TRPM6: variants seen among roughly 807,000 people sequenced by gnomAD.
TRPM6 encodes transient receptor potential cation channel subfamily M member 6.
In TRPM6, 111 loss-of-function variants were observed where a neutral mutation model predicts 247.6. The observed-to-expected ratio is 0.45, with a 90% CI of 0.38 to 0.52. TRPM6 has a LOEUF of 0.52. Ranked by LOEUF, TRPM6 falls within the 20% of genes least tolerant of loss-of-function variation. TRPM6 has a pLI of 0.00. For missense variants in TRPM6, 2,126 were observed against 2,421.5 expected (o/e 0.88, Z 2.56); for synonymous variants, 892 against 853.8 (o/e 1.04, Z -0.78).
intron 19 of TRPM6, 145 bp downstream of exon 19, chr9:74,792,479 T>C: frequency 1.2e-6 from 1 of 853,240 alleles, no homozygotes; most frequent in East Asian, 2.6e-5. Flanking sequence ...CAGTCCTCTT[T>C]GCTACCTACT....
chr9:74,785,258 C>T (rs574268092), intron 21 of TRPM6, among the ~76,000 whole-genome samples: 1 of 152,286 alleles, frequency 6.6e-6, no homozygotes, highest in East Asian at 1.9e-4. Flanking sequence ...TTGAGCCCAA[C>T]AGTTCAAATC....
intron 6 of TRPM6, 146 bp downstream of exon 6, chr9:74,833,852 G>A: frequency 1.9e-6 from 2 of 1,053,742 alleles, no homozygotes; most frequent in Non-Finnish European, 2.8e-6. Flanking sequence ...TCTAAGACAG[G>A]GTGAGGGAAG....
chr9:74,749,994 G>A (rs1473817715), intron 30 of TRPM6, among the ~76,000 whole-genome samples: 2 of 152,148 alleles, frequency 1.3e-5, no homozygotes, highest in African/African-American at 2.4e-5. Flanking sequence ...ATGCAACTAG[G>A]AAAGTCCAGA....
chr9:74,748,410 G>A (rs944772534), intron 30 of TRPM6, among the ~76,000 whole-genome samples: 2 of 152,160 alleles, frequency 1.3e-5, no homozygotes, highest in African/African-American at 4.8e-5. Flanking sequence ...GCCTCTGGCA[G>A]GTCATTCAGG....
intron 9 of TRPM6, among the ~76,000 whole-genome samples, chr9:74,817,791 T>C (rs889137992): frequency 3.3e-5 from 5 of 152,114 alleles, no homozygotes; most frequent in African/African-American, 1.2e-4. Context: ...CTTTTTAAAT[T>C]AAAATACATT....
chr9:74,745,770 G>A (rs73650057), intron 31 of TRPM6, among the ~76,000 whole-genome samples: 551 of 152,280 alleles, frequency 3.6e-3, no homozygotes, highest in African/African-American at 0.013. Flanking sequence ...ACAGAGTATT[G>A]TAGACTCTGT....
At chr9:74,838,936 C>T (rs1380843482) in intron 5 of TRPM6, among the ~76,000 whole-genome samples, 3 of 151,896 alleles carry the variant, frequency 2.0e-5, no homozygotes, top group Admixed American at 2.0e-4. Flanking sequence ...ATGGTGAAAC[C>T]CTGTCTCTAC....
At chr9:74,750,581 G>T in intron 30 of TRPM6, 83 bp downstream of exon 30, 2 of 1,180,986 alleles carry the variant, frequency 1.7e-6, no homozygotes, top group South Asian at 1.2e-5. Flanking sequence ...CTCCCTTTCT[G>T]ACTAAATTAA....
At position 74,807,391 on chromosome 9, in the gene TRPM6, C is replaced by A. The variant is rs192671863; in HGVS notation, c.1638+643G>T. On this transcript the variant is annotated intron_variant, in intron 14 of 38. Transcript: ENST00000360774. ...AATACCCAAAACTACATTTTCTAAT[C>A]CTCCCCTCATCTTCTAATAAGAATG... Among the ~76,000 whole-genome samples, 466 of 152,290 alleles carry A rather than the reference C, an allele frequency of 3.1e-3. 2 individuals carry two copies. The highest frequency in any genetic ancestry group is 5.3e-3 in the Non-Finnish European group (359 of 68,036).
Position 74,803,840 on chromosome 9 carries a change from G to T in TRPM6, c.1685C>A (p.Thr562Lys), listed in dbSNP as rs752979814. ...AGTTCTAATGAACTGGGAGTGCAGC[G>T]TACTTTCTGCAGACTCATTTCTATT... ...SGNRNESAES[T>K]LHSQFIRTAQ... The change falls in exon 15 of 39, where the codon ACG becomes AAG. Residue 562 changes from threonine to lysine, a missense_variant. Coordinates refer to ENST00000360774, the MANE Select transcript of TRPM6 (RefSeq NM_017662.5). The T allele has an allele frequency of 8.2e-5, 133 of 1,613,596 alleles. No homozygotes were observed. The highest frequency in any genetic ancestry group is 1.1e-4 in the Non-Finnish European group (130 of 1,179,682).
At chr9:74,832,271 A>G (rs1335746100) in intron 6 of TRPM6, among the ~76,000 whole-genome samples, 1 of 152,228 alleles carries the variant, frequency 6.6e-6, no homozygotes, top group Non-Finnish European at 1.5e-5. Context: ...ACATAAAAAA[A>G]TGAGATGGAG....
intron 27 of TRPM6, among the ~76,000 whole-genome samples, chr9:74,755,955 T>G (rs563086135): frequency 1.3e-5 from 2 of 152,334 alleles, no homozygotes; most frequent in South Asian, 4.1e-4. Flanking sequence ...GGAAAATCAC[T>G]TAATGTCTCT....
At chr9:74,739,319 A>T (rs768920046) in intron 35 of TRPM6, 48 bp downstream of exon 35, 1 of 1,513,886 alleles carries the variant, frequency 6.6e-7, no homozygotes, top group Non-Finnish European at 9.2e-7. Context: ...AAGACGTGAT[A>T]GAAATTCCTA....
intron 1 of TRPM6, among the ~76,000 whole-genome samples, chr9:74,872,286 A>T (rs557362854): frequency 0.021 from 3,238 of 151,000 alleles, 61 homozygotes; most frequent in Non-Finnish European, 0.034. Flanking sequence ...ACACTCAGCC[A>T]ACAGTAGCAA....
intron 1 of TRPM6, among the ~76,000 whole-genome samples, chr9:74,879,552 C>CTTCTCT (rs1238727777): frequency 6.6e-6 from 1 of 152,114 alleles, no homozygotes; most frequent in African/African-American, 2.4e-5. Flanking sequence ...GGATTCTAAT[C>CTTCTCT]TTTCTGCTCC....
intron 1 of TRPM6, among the ~76,000 whole-genome samples, chr9:74,863,673 C>T (rs1030182584): frequency 1.3e-5 from 2 of 152,144 alleles, no homozygotes; most frequent in South Asian, 4.1e-4. Context: ...GCTCCGCCTC[C>T]CGGGTTTTAC....
chr9:74,837,496 G>T (rs1307899579), intron 5 of TRPM6, among the ~76,000 whole-genome samples: 1 of 152,008 alleles, frequency 6.6e-6, no homozygotes, highest in Non-Finnish European at 1.5e-5. Flanking sequence ...GCCCAGGCTG[G>T]AGTGCAGTGG....
rs568258628 is a variant in TRPM6, at chr9:74,765,073, A to G, written c.3537-1939T>C. ...AGCAAGGATGGAACATAGGGACACA[A>G]TATTATAAAGGAAACATAATCTTAC... On this transcript the variant is annotated intron_variant, in intron 25 of 38. Transcript: ENST00000360774. Among the ~76,000 whole-genome samples, 4 of 152,334 alleles carry G rather than the reference A, an allele frequency of 2.6e-5. No homozygotes were observed. In the South Asian group the frequency reaches 6.2e-4, roughly 24 times the overall value.
intron 9 of TRPM6, 122 bp from the exon 10 acceptor site, chr9:74,817,086 CT>C (rs932812118): frequency 2.0e-5 from 19 of 947,608 alleles, no homozygotes; most frequent in African/African-American, 4.8e-5. Flanking sequence ...TCTTTAAAAC[CT>C]TTTTTTACTT....
Sources: allele counts gnomAD v4.1 joint callset (sites outside exome capture counted in the v4.1 genomes callset), GRCh38; gene constraint gnomAD v4.1.1; transcripts MANE v1.5; gene names NCBI Gene and HGNC (gene_info 2026-07-23, HGNC 2026-07-21).